MAF: variants seen among roughly 807,000 people sequenced by gnomAD.
MAF encodes the protein transcription factor Maf.
Under a neutral mutation model 22.0 loss-of-function variants are expected in MAF, and 10 were observed. The ratio of observed to expected loss-of-function variants is 0.45; its 90% CI spans 0.28 to 0.77. The LOEUF (loss-of-function observed/expected upper bound fraction) is 0.77. Ranked by LOEUF, MAF falls within the 30% of genes least tolerant of loss-of-function variation. MAF has a pLI of 0.12. For synonymous variants in MAF, 337 were observed against 255.8 expected (o/e 1.32, Z -3.03); for missense variants, 544 against 548.4 (o/e 0.99, Z 0.08).
chr16:79,357,595 CTT>C, the MAF span, among the ~76,000 whole-genome samples: 1 of 152,142 alleles, frequency 6.6e-6, no homozygotes, highest in Non-Finnish European at 1.5e-5. Flanking sequence ...ACTGGAGTGA[CTT>C]TGCTAATTAC....
At chr16:79,446,458 A>G in the MAF span, among the ~76,000 whole-genome samples, 2 of 152,190 alleles carry the variant, frequency 1.3e-5, no homozygotes, top group Admixed American at 6.5e-5. Context: ...TTTCACCTCT[A>G]GAAGTGACCC....
chr16:79,584,504 T>G (rs1912722127), downstream of MAF, among the ~76,000 whole-genome samples: 1 of 152,206 alleles, frequency 6.6e-6, no homozygotes, highest in South Asian at 2.1e-4. Flanking sequence ...CCAGTAACCT[T>G]ATATGAAATA....
the MAF span, among the ~76,000 whole-genome samples, chr16:79,297,511 T>C: frequency 6.6e-6 from 1 of 152,170 alleles, no homozygotes; most frequent in Non-Finnish European, 1.5e-5. Context: ...TATTTGGTAG[T>C]TGTGCTTCTT....
the MAF span, among the ~76,000 whole-genome samples, chr16:79,385,680 C>G: frequency 6.6e-6 from 1 of 152,072 alleles, no homozygotes. Context: ...GCAGGTGGAT[C>G]ACTTAAGGTC....
downstream of MAF, among the ~76,000 whole-genome samples, chr16:79,582,127 G>C (rs147283247): frequency 7.2e-5 from 11 of 152,286 alleles, no homozygotes; most frequent in Admixed American, 3.9e-4. Flanking sequence ...TGCTGCTTTA[G>C]CTCATTTATT....
chr16:79,214,839 T>C, the MAF span, among the ~76,000 whole-genome samples: 1 of 148,502 alleles, frequency 6.7e-6, no homozygotes, highest in South Asian at 2.2e-4. Flanking sequence ...TCCTTCAGAG[T>C]AGCTGGGATT....
At chr16:79,564,236 A>G in the MAF span, among the ~76,000 whole-genome samples, 6 of 152,260 alleles carry the variant, frequency 3.9e-5, no homozygotes, top group Admixed American at 3.9e-4. Flanking sequence ...GTTTCAGGAG[A>G]AGACGGAAGG....
chr16:79,537,209 G>A, the MAF span, among the ~76,000 whole-genome samples: 1 of 152,316 alleles, frequency 6.6e-6, no homozygotes, highest in East Asian at 1.9e-4. Context: ...AGATAGCACA[G>A]AGTCACACTC....
At chr16:79,475,635 G>T in the MAF span, among the ~76,000 whole-genome samples, 1 of 152,146 alleles carries the variant, frequency 6.6e-6, no homozygotes, top group East Asian at 1.9e-4. Flanking sequence ...TCATAAGGGT[G>T]TGGGTTATGT....
the MAF span, among the ~76,000 whole-genome samples, chr16:79,511,111 G>A: frequency 6.6e-6 from 1 of 152,116 alleles, no homozygotes; most frequent in Non-Finnish European, 1.5e-5. Context: ...ATGGCGGGGT[G>A]GTGATTTTTC....
chr16:79,346,855 G>A, the MAF span, among the ~76,000 whole-genome samples: 3 of 152,202 alleles, frequency 2.0e-5, no homozygotes, highest in Non-Finnish European at 2.9e-5. Flanking sequence ...TACATGGAAG[G>A]GAGAATTGGC....
the MAF span, among the ~76,000 whole-genome samples, chr16:79,242,350 C>A: frequency 6.7e-5 from 10 of 148,438 alleles, no homozygotes; most frequent in African/African-American, 2.5e-4. Flanking sequence ...GGAACATTTA[C>A]CAAGCAAATG....
the MAF span, among the ~76,000 whole-genome samples, chr16:79,258,189 T>G: frequency 6.6e-6 from 1 of 152,096 alleles, no homozygotes; most frequent in Non-Finnish European, 1.5e-5. Flanking sequence ...CTGGGGTGTG[T>G]GGTTATTTGC....
chr16:79,390,884 T>C, the MAF span, among the ~76,000 whole-genome samples: 37 of 152,322 alleles, frequency 2.4e-4, no homozygotes, highest in East Asian at 2.1e-3. Flanking sequence ...CGTTGGACCA[T>C]GCTGTCTTTC....
chr16:79,567,293 G>T, the MAF span, among the ~76,000 whole-genome samples: 1 of 151,516 alleles, frequency 6.6e-6, no homozygotes, highest in Admixed American at 6.6e-5. Flanking sequence ...ACTGTAGCCT[G>T]GGTGACAAGA....
chr16:79,530,372 T>C, the MAF span, among the ~76,000 whole-genome samples: 1 of 152,170 alleles, frequency 6.6e-6, no homozygotes, highest in African/African-American at 2.4e-5. Flanking sequence ...AAGTGCCTAC[T>C]TCAAATTCAG....
chr16:79,475,410 G>A, the MAF span, among the ~76,000 whole-genome samples: 1 of 148,472 alleles, frequency 6.7e-6, no homozygotes, highest in Non-Finnish European at 1.5e-5. Flanking sequence ...GATTTGGGAG[G>A]CAAATCCAGG....
intron 1 of MAF, among the ~76,000 whole-genome samples, chr16:79,588,308 C>A (rs992418963): frequency 6.6e-6 from 1 of 152,108 alleles, no homozygotes; most frequent in African/African-American, 2.4e-5. Context: ...GGAAGATTGC[C>A]CTAAGACAGC....
chr16:79,508,253 T>A, the MAF span, among the ~76,000 whole-genome samples: 1 of 152,162 alleles, frequency 6.6e-6, no homozygotes, highest in Non-Finnish European at 1.5e-5. Context: ...GGTGTCTGGA[T>A]TGGCTGAGCA....
Sources: allele counts gnomAD v4.1 joint callset (sites outside exome capture counted in the v4.1 genomes callset), GRCh38; gene constraint gnomAD v4.1.1; transcripts MANE v1.5; gene names NCBI Gene and HGNC (gene_info 2026-07-23, HGNC 2026-07-21).